The following ADNP variants were observed in gnomAD, a reference collection of about 807,000 sequenced individuals.
ADNP encodes the protein activity-dependent neuroprotector homeobox protein.
In ADNP, 4 loss-of-function variants were observed where a neutral mutation model predicts 84.9. The observed-to-expected ratio is 0.05, with a 90% confidence interval of 0.02 to 0.11. The LOEUF is 0.11. Ranked by LOEUF, ADNP falls within the 10% of genes least tolerant of loss-of-function variation. The pLI, the probability that ADNP is intolerant of heterozygous loss-of-function variation, is 1.00. For missense variants in ADNP, 1,132 were observed against 1,326.0 expected, an observed-to-expected ratio of 0.85 and a Z score of 2.27; for synonymous variants, 554 against 468.1, an observed-to-expected ratio of 1.18 and a Z score of -2.37.
At chr20:50,907,412 G>A (rs1003225748) in intron 2 of ADNP, among the ~76,000 whole-genome samples, 5 of 151,824 alleles carry the variant, frequency 3.3e-5, no homozygotes, top group Admixed American at 6.6e-5. Flanking sequence ...GACTACAGGC[G>A]CGTACCACCA....
chr20:50,891,977 G>C lies in ADNP; in HGVS notation c.2737C>G (p.Leu913Val). The change falls in exon 6 of 6, where the codon CTG (leucine) becomes GTG (valine). Residue 913 changes from leucine to valine, a missense_variant. This residue lies in a region of ADNP where 381 missense variants were observed against 319.9 expected (regional missense o/e 1.19). Transcript: ENST00000621696. ...GAAGCATCCTCAGGAATTACCTTCAGTACATGTTCCTCTGGGTTATCGTTA... is the reference window on the plus strand; with the variant it reads ...GAAGCATCCTCAGGAATTACCTTCACTACATGTTCCTCTGGGTTATCGTTA... ...ISNDNPEEHV[L>V]KVIPEDASES... 1 of 1,614,204 alleles carries C rather than the reference G, an allele frequency of 6.2e-7. No individual in the cohort carries two copies. The highest frequency in any genetic ancestry group is 1.1e-5 in the South Asian group (1 of 91,084).
rs1175242224 is a variant in ADNP, at chr20:50,903,953, G to A, written c.44C>T (p.Ala15Val). 1 of 1,613,832 alleles carries A rather than the reference G, an allele frequency of 6.2e-7. No individual in the cohort carries two copies. The highest frequency in any genetic ancestry group is 8.5e-7 in the Non-Finnish European group (1 of 1,179,952). Residue 15 changes from alanine (A) to valine (V), a missense_variant, in exon 4 of 6, where the codon GCC becomes GTC. This residue lies in a region of ADNP where 56 missense variants were observed against 94.6 expected (regional missense o/e 0.59). Coordinates refer to ENST00000621696, the MANE Select transcript of ADNP (RefSeq NM_001282531.3). ...PVNNLGSLRKARKTVKKILSD... is the reference protein window; with the variant it reads ...PVNNLGSLRKVRKTVKKILSD... ...AAGTATTTTTTTCACAGTTTTCCGG[G>A]CTTTTCTTAAACTGCCAAGATTGTT...
intron 2 of ADNP, among the ~76,000 whole-genome samples, chr20:50,907,681 C>A (rs995028979): frequency 6.6e-6 from 1 of 152,014 alleles, no homozygotes; most frequent in Non-Finnish European, 1.5e-5. Flanking sequence ...TTCCTGGGCA[C>A]AAGTGATCTT....
intron 2 of ADNP, among the ~76,000 whole-genome samples, chr20:50,913,197 G>A (rs1237215016): frequency 2.4e-5 from 3 of 127,092 alleles, no homozygotes; most frequent in Admixed American, 1.0e-4. Context: ...GGATTGCAGT[G>A]AGCAGAGATC....
At chr20:50,914,300 C>T in intron 2 of ADNP, 1 of 694,898 alleles carries the variant, frequency 1.4e-6, no homozygotes, top group Non-Finnish European at 2.6e-6. Flanking sequence ...GCTGGTGTCC[C>T]AAGGAGCAAT....
chr20:50,897,645 CTCAG>C (rs1408187929), intron 5 of ADNP, among the ~76,000 whole-genome samples: 2 of 152,170 alleles, frequency 1.3e-5, no homozygotes, highest in African/African-American at 2.4e-5. Flanking sequence ...TCAGAATCTT[CTCAG>C]TGTCTCCCTA....
chr20:50,895,884 T>A (rs989801093), intron 5 of ADNP, among the ~76,000 whole-genome samples: 2 of 152,198 alleles, frequency 1.3e-5, no homozygotes, highest in African/African-American at 4.8e-5. Context: ...TATACACTTT[T>A]AAATTTTTAA....
chr20:50,901,222 G>A (rs1391818227), intron 5 of ADNP, among the ~76,000 whole-genome samples: 1 of 149,766 alleles, frequency 6.7e-6, no homozygotes, highest in African/African-American at 2.5e-5. Flanking sequence ...TCAGCTATGA[G>A]GCTTTCAGAT....
At chr20:50,905,508 G>T (rs527724933) in intron 2 of ADNP, 3 of 152,190 alleles carry the variant, frequency 2.0e-5, no homozygotes, top group African/African-American at 7.2e-5. Flanking sequence ...ATAAAAAAAT[G>T]GAAAATAAAA....
In ADNP at chr20:50,893,581, T is replaced by C. The variant is rs773142534; in HGVS notation, c.1133A>G (p.Tyr378Cys). 8 of 1,614,038 alleles carry C rather than the reference T, an allele frequency of 5.0e-6. No homozygotes were observed. The highest frequency in any genetic ancestry group is 2.7e-5 in the African/African-American group (2 of 74,914). Residue 378 changes from tyrosine (Y) to cysteine (C), a missense_variant, in exon 6 of 6, where the codon TAT becomes TGT. Tyr to Cys is a radical substitution (Grantham distance 194). Transcript: ENST00000621696. This position sits in a 1 kb window ranked among gnomAD's most constrained non-coding sequence, Gnocchi z 4.4. Reference protein sequence around the residue: ...QLLPSGNGRSYGLGSEQRSQA... With the variant: ...QLLPSGNGRSCGLGSEQRSQA... ...GGACCTCTGCTCTGACCCAAGCCCA[T>C]AAGACCTTCCGTTTCCACTTGGAAG...
intron 2 of ADNP, chr20:50,909,387 A>AAAAAAAAAAAAAAAAAAAAAAC (rs1982821719): frequency 1.3e-5 from 2 of 149,836 alleles, no homozygotes; most frequent in African/African-American, 2.5e-5. Context: ...AAAAAAAAAA[A>AAAAAAAAAAAAAAAAAAAAAAC]AAAAAAGAAA....
intron 2 of ADNP, chr20:50,905,578 T>C (rs1982394162): frequency 6.6e-6 from 1 of 152,176 alleles, no homozygotes; most frequent in Non-Finnish European, 1.5e-5. Flanking sequence ...TGAAACTGGG[T>C]ACGTTACTCT....
In ADNP at chr20:50,892,937, G is replaced by A. The variant is rs1306588560; in HGVS notation, c.1777C>T (p.Pro593Ser). 1 of 1,614,218 alleles carries A rather than the reference G, an allele frequency of 6.2e-7. No individual in the cohort carries two copies. Among genetic ancestry groups the A allele is most frequent in the Non-Finnish European group, 8.5e-7 (1 of 1,180,056 alleles). Residue 593 changes from proline (P) to serine (S), a missense_variant, in exon 6 of 6, where the codon CCA (proline) becomes TCA (serine). Pro to Ser is a moderately conservative substitution (Grantham distance 74). This residue lies in a region of ADNP where 53 missense variants were observed against 39.8 expected (regional missense o/e 1.33). Coordinates refer to ENST00000621696, the MANE Select transcript of ADNP (RefSeq NM_001282531.3). The stretch of plus-strand genomic sequence containing the variant: ...GCCTTTTCCTGAACCTTTGGCTGTG[G>A]CTTTGGAGGAACTGGAGGATTATTT... ...AQNNPPVPPKPQPKVQEKADI... is the reference protein window; with the variant it reads ...AQNNPPVPPKSQPKVQEKADI...
In ADNP at chr20:50,891,565, G is replaced by A; in HGVS notation, c.3149C>T (p.Ala1050Val). ...AGATAAGCGCTCATCATTCTCAGAT[G>A]CATTCTTCCACTGTGACTGGTCCTT... ...WSKDQSQWKNASENDERLSNP... is the reference protein window; with the variant it reads ...WSKDQSQWKNVSENDERLSNP... The change falls in exon 6 of 6, where the codon GCA becomes GTA. Residue 1050 changes from alanine (A) to valine (V), a missense_variant. Physicochemically the swap from Ala to Val is moderately conservative, Grantham distance 64 (BLOSUM62 0). Transcript: ENST00000621696. The A allele has an allele frequency of 6.2e-7, 1 of 1,612,454 alleles. No homozygotes were observed. The highest frequency in any genetic ancestry group is 8.5e-7 in the Non-Finnish European group (1 of 1,180,030).
intron 5 of ADNP, among the ~76,000 whole-genome samples, chr20:50,897,383 C>G (rs1981514855): frequency 6.6e-6 from 1 of 152,014 alleles, no homozygotes; most frequent in South Asian, 2.1e-4. Context: ...TTCTAGTTCC[C>G]ACAGCTCCTC....
At chr20:50,914,698 C>T (rs1238116276) in intron 2 of ADNP, among the ~76,000 whole-genome samples, 1 of 152,130 alleles carries the variant, frequency 6.6e-6, no homozygotes, top group East Asian at 1.9e-4. Flanking sequence ...CGAGCATGCA[C>T]CTTGTATCAG....
intron 2 of ADNP, among the ~76,000 whole-genome samples, chr20:50,920,568 A>C (rs563421281): frequency 4.6e-5 from 7 of 150,674 alleles, no homozygotes; most frequent in African/African-American, 1.7e-4. Flanking sequence ...AAAAAAAAAA[A>C]AGCCTGGAGG....
At position 50,892,336 on chromosome 20, in the gene ADNP, A is replaced by G; in HGVS notation, c.2378T>C (p.Leu793Ser). The change falls in exon 6 of 6, where the codon TTA (leucine) becomes TCA (serine). Residue 793 changes from leucine (L) to serine (S), a missense_variant. This residue lies in a region of ADNP where 41 missense variants were observed against 78.4 expected (regional missense o/e 0.52). Transcript: ENST00000621696. ...RREIEKLAAS[L>S]WLWKSDIASH... Reference sequence around the variant, plus strand: ...AGCGATGTCACTCTTCCATAACCATAAACTGGCTGCTAGCTTCTCAATTTC... The same window carrying G: ...AGCGATGTCACTCTTCCATAACCATGAACTGGCTGCTAGCTTCTCAATTTC... 1 of 1,614,180 alleles carries G rather than the reference A, an allele frequency of 6.2e-7. No individual in the cohort carries two copies. The highest frequency in any genetic ancestry group is 8.5e-7 in the Non-Finnish European group (1 of 1,180,028).
chr20:50,900,777 C>T (rs1981894779), intron 5 of ADNP, among the ~76,000 whole-genome samples: 1 of 152,140 alleles, frequency 6.6e-6, no homozygotes, highest in Non-Finnish European at 1.5e-5. Flanking sequence ...AGGCAAATCT[C>T]CATTTTTTCC....
Sources: gnomAD v4.1 joint callset for allele counts (sites outside exome capture counted in the v4.1 genomes callset) on GRCh38, gnomAD v4.1.1 for gene constraint, gnomAD v4.1.1 regional missense constraint, Gnocchi (gnomAD v3.1) non-coding constraint, MANE v1.5 for transcripts, NCBI Gene and HGNC (gene_info 2026-07-23, HGNC 2026-07-21) for gene names.